The following FOXK2 variants were observed in gnomAD, a reference collection of about 807,000 sequenced individuals.
The protein encoded by FOXK2 is forkhead box protein K2.
Under a neutral mutation model 53.3 loss-of-function variants are expected in FOXK2, and 24 were observed. The observed-to-expected ratio is 0.45, with a 90% confidence interval of 0.33 to 0.63. FOXK2 has a LOEUF of 0.63. FOXK2 is among the 30% of genes least tolerant of loss of function. The probability of loss-of-function intolerance (pLI) is 0.03; values close to 1 mark genes in which losing one functional copy is unlikely to be tolerated. For synonymous variants in FOXK2, 505 were observed against 407.1 expected (o/e 1.24, Z -2.89); for missense variants, 952 against 910.5 (o/e 1.05, Z -0.59).
chr17:82,582,624 G>T, intron 4 of FOXK2, 117 bp from the exon 5 acceptor site: 1 of 767,258 alleles, frequency 1.3e-6, no homozygotes, highest in Non-Finnish European at 2.0e-6. Flanking sequence ...ATTCACTCTT[G>T]CAGTCTGCCA....
At chr17:82,524,891 G>A (rs62078083) in intron 1 of FOXK2, among the ~76,000 whole-genome samples, 5,884 of 152,176 alleles carry the variant, frequency 0.039, 124 homozygotes, top group Non-Finnish European at 0.044. Context: ...CTTTGGAGCA[G>A]CTGGAGTGTG....
chr17:82,543,925 C>T (rs2044597526), intron 1 of FOXK2, among the ~76,000 whole-genome samples: 1 of 151,888 alleles, frequency 6.6e-6, no homozygotes, highest in East Asian at 1.9e-4. Flanking sequence ...TACAGGCACC[C>T]GCCACCACGC....
intron 8 of FOXK2, among the ~76,000 whole-genome samples, chr17:82,589,748 G>C (rs2045234639): frequency 6.6e-6 from 1 of 152,224 alleles, no homozygotes; most frequent in Non-Finnish European, 1.5e-5. Context: ...GAACGTGAAA[G>C]TCTGTCAGTG....
At chr17:82,542,121 T>C (rs187667030) in intron 1 of FOXK2, among the ~76,000 whole-genome samples, 1 of 151,678 alleles carries the variant, frequency 6.6e-6, no homozygotes, top group Non-Finnish European at 1.5e-5. Context: ...CCTCAAGTGA[T>C]CCACTTGCCT....
intron 1 of FOXK2, among the ~76,000 whole-genome samples, chr17:82,562,214 C>A (rs1450867143): frequency 1.3e-5 from 2 of 152,194 alleles, no homozygotes; most frequent in Non-Finnish European, 2.9e-5. Flanking sequence ...CAAACCTTCT[C>A]CCCTGTAGCT....
rs192470455 is a variant in FOXK2, at chr17:82,527,191, C to T, written c.419+6884C>T. Among the ~76,000 whole-genome samples, 55 of 152,246 alleles carry T rather than the reference C, an allele frequency of 3.6e-4. No individual in the cohort carries two copies. In the East Asian group the frequency reaches 9.1e-3, roughly 25 times the overall value. Reference sequence around the variant, plus strand: ...TTTGAAAAGTGTTCAGTGTACAAATCAGTTGCCTTTAATAACTACTCTGTA... The same window carrying T: ...TTTGAAAAGTGTTCAGTGTACAAATTAGTTGCCTTTAATAACTACTCTGTA... On this transcript the variant is annotated intron_variant, in intron 1 of 8. Coordinates refer to ENST00000335255, the MANE Select transcript of FOXK2 (RefSeq NM_004514.4).
intron 4 of FOXK2, among the ~76,000 whole-genome samples, chr17:82,572,649 G>A (rs558746355): frequency 6.6e-6 from 1 of 152,250 alleles, no homozygotes; most frequent in Non-Finnish European, 1.5e-5. Context: ...CAGTGGGTAG[G>A]TTTGAAATAT....
At chr17:82,572,047 T>C in intron 4 of FOXK2, 177 bp downstream of exon 4, 1 of 531,918 alleles carries the variant, frequency 1.9e-6, no homozygotes, top group Non-Finnish European at 3.1e-6. Context: ...CTCACCTTCT[T>C]TGTGTGGAGC....
chr17:82,527,881 G>T (rs767461908), intron 1 of FOXK2, among the ~76,000 whole-genome samples: 1 of 152,152 alleles, frequency 6.6e-6, no homozygotes, highest in African/African-American at 2.4e-5. Flanking sequence ...GCTCACTGCA[G>T]CCTTGAACTC....
intron 4 of FOXK2, among the ~76,000 whole-genome samples, chr17:82,572,913 C>T (rs527406906): frequency 3.9e-5 from 6 of 152,194 alleles, no homozygotes; most frequent in East Asian, 1.9e-4. Context: ...GCCTACCGGC[C>T]GGGCACAGTA....
chr17:82,556,667 GC>G (rs2044728450), intron 1 of FOXK2, among the ~76,000 whole-genome samples: 1 of 152,032 alleles, frequency 6.6e-6, no homozygotes, highest in South Asian at 2.1e-4. Flanking sequence ...TGAGCAGATG[GC>G]CAGCAGCACC....
At chr17:82,520,867 C>T (rs2044354833) in intron 1 of FOXK2, among the ~76,000 whole-genome samples, 1 of 152,160 alleles carries the variant, frequency 6.6e-6, no homozygotes, top group Non-Finnish European at 1.5e-5. Context: ...ACGCTTCAAG[C>T]ATGATGGATT....
chr17:82,571,022 G>T (rs561276615), intron 3 of FOXK2, among the ~76,000 whole-genome samples: 1 of 152,078 alleles, frequency 6.6e-6, no homozygotes, highest in Non-Finnish European at 1.5e-5. Context: ...AGTCCCAGGG[G>T]CTCTGGGCAG....
intron 1 of FOXK2, among the ~76,000 whole-genome samples, chr17:82,534,630 G>A (rs1380885554): frequency 1.3e-5 from 2 of 152,218 alleles, no homozygotes; most frequent in African/African-American, 4.8e-5. Context: ...TCGCACATGA[G>A]ATGGTCTCTA....
In FOXK2 at chr17:82,582,901, G is replaced by A. The variant is rs773585279; in HGVS notation, c.1070G>A (p.Cys357Tyr). ...FRKRRPRGVP[C>Y]FRTPLGPLSS... Reference sequence around the variant, plus strand: ...AAACGACGGCCTAGGGGCGTGCCCTGCTTTAGAACCCCTCTGGGACCGCTC... The same window carrying A: ...AAACGACGGCCTAGGGGCGTGCCCTACTTTAGAACCCCTCTGGGACCGCTC... The change falls in exon 5 of 9, where the codon TGC (cysteine) becomes TAC (tyrosine). Residue 357 changes from cysteine (C) to tyrosine (Y), a missense_variant. Around this residue, in one of 5 missense-constraint regions of FOXK2, gnomAD observed 160 missense variants for 214.2 expected, o/e 0.75. Transcript: ENST00000335255. 8 of 1,605,202 alleles carry A rather than the reference G, an allele frequency of 5.0e-6. No individual in the cohort carries two copies. In the Middle Eastern group the frequency reaches 7.0e-4, roughly 140 times the overall value.
chr17:82,584,549 CT>C (rs34083156), intron 6 of FOXK2, among the ~76,000 whole-genome samples: 179 of 89,820 alleles, frequency 2.0e-3, no homozygotes, highest in African/African-American at 2.9e-3. Flanking sequence ...AAAACATGTC[CT>C]TTTTTTTTTT....
chr17:82,584,001 T>TCGG lies in FOXK2; in HGVS notation c.1104-11_1104-9dup. On this transcript the variant is annotated splice_polypyrimidine_tract_variant and intron_variant, in intron 5 of 8. Coordinates refer to ENST00000335255, the MANE Select transcript of FOXK2 (RefSeq NM_004514.4). ...GCTGTAACCATGCAATGTCTTCTTC[T>TCGG]CGGTGACACAGGAGTGCCCCAGCCT... is the stretch of plus-strand genomic sequence containing the variant. 2 of 1,574,644 alleles carry TCGG rather than the reference T, an allele frequency of 1.3e-6. No homozygotes were observed. Among genetic ancestry groups the TCGG allele is most frequent in the Non-Finnish European group, 1.7e-6 (2 of 1,156,794 alleles).
intron 1 of FOXK2, among the ~76,000 whole-genome samples, chr17:82,542,236 A>G (rs1408780600): frequency 6.8e-6 from 1 of 147,800 alleles, no homozygotes; most frequent in Admixed American, 6.9e-5. Context: ...ATCTCGGCTC[A>G]CTGCAACCTC....
At chr17:82,581,824 G>C (rs2045066006) in intron 4 of FOXK2, among the ~76,000 whole-genome samples, 1 of 152,128 alleles carries the variant, frequency 6.6e-6, no homozygotes, top group Non-Finnish European at 1.5e-5. Context: ...TGGCCAGGCT[G>C]GCCTCAAACT....
Sources: allele counts gnomAD v4.1 joint callset (sites outside exome capture counted in the v4.1 genomes callset), GRCh38; gene constraint gnomAD v4.1.1; regional missense constraint gnomAD v4.1.1; transcripts MANE v1.5; gene names NCBI Gene and HGNC (gene_info 2026-07-23, HGNC 2026-07-21).